ZFHX3: variants seen among roughly 807,000 people sequenced by gnomAD.
ZFHX3 encodes zinc finger homeobox protein 3.
Under a neutral mutation model 279.1 loss-of-function variants are expected in ZFHX3, and 42 were observed. That is an observed-to-expected ratio of 0.15 (90% confidence interval 0.12 to 0.19). The LOEUF (loss-of-function observed/expected upper bound fraction) is 0.19, where lower values mean the gene tolerates loss of function less well. Ranked by LOEUF, ZFHX3 falls within the 10% of genes least tolerant of loss-of-function variation. The pLI is 1.00. For synonymous variants in ZFHX3, 2,293 were observed against 1,957.8 expected, an observed-to-expected ratio of 1.17 and a Z score of -4.52; for missense variants, 4,981 against 4,754.0, an observed-to-expected ratio of 1.05 and a Z score of -1.40.
chr16:72,784,602 A>C lies in ZFHX3; in HGVS notation c.*2562T>G, dbSNP rs1342213302. The C allele has an allele frequency of 3.3e-5, 5 of 152,270 alleles. No homozygotes were observed. Among genetic ancestry groups the C allele is most frequent in the Admixed American group, 3.3e-4 (5 of 15,274 alleles). 9.4% of individuals were successfully genotyped at this position (152,270 alleles called of 1,614,324 possible). A position where few individuals can be genotyped will look rare whatever the true frequency, so the allele number is the denominator to read the frequency against. On this transcript the variant is annotated 3_prime_UTR_variant, in exon 10 of 10. Transcript: ENST00000268489. ...CAAGATAAAATAATGGAAAACAAAA[A>C]ACTGTACAACTTTAAAATTTAAAAA...
chr16:73,761,654 G>C (rs2053868256), intron 1 of ZFHX3, among the ~76,000 whole-genome samples: 1 of 152,116 alleles, frequency 6.6e-6, no homozygotes, highest in African/African-American at 2.4e-5. Context: ...CAATGGAACA[G>C]AATAAAGAAC....
chr16:73,839,960 C>G (rs1001017820), intron 1 of ZFHX3, among the ~76,000 whole-genome samples: 7 of 152,178 alleles, frequency 4.6e-5, no homozygotes, highest in Admixed American at 2.0e-4. Flanking sequence ...TTTCCCATTC[C>G]TGGACCCATC....
intron 2 of ZFHX3, among the ~76,000 whole-genome samples, chr16:73,472,429 C>A (rs2018686668): frequency 6.6e-6 from 1 of 152,126 alleles, no homozygotes; most frequent in Non-Finnish European, 1.5e-5. Context: ...TTTGATGAAG[C>A]CACAAAGCTT....
chr16:73,033,443 G>A (rs1964782185), intron 1 of ZFHX3, among the ~76,000 whole-genome samples: 1 of 152,166 alleles, frequency 6.6e-6, no homozygotes, highest in Non-Finnish European at 1.5e-5. Flanking sequence ...AGTGAAGCGG[G>A]GCTGCCTGGT....
chr16:73,708,752 AAC>A (rs1410518158), intron 1 of ZFHX3, among the ~76,000 whole-genome samples: 2 of 152,200 alleles, frequency 1.3e-5, no homozygotes, highest in Non-Finnish European at 2.9e-5. Flanking sequence ...AATACCCCTA[AAC>A]ACAGTGAGAT....
Position 72,957,792 on chromosome 16 carries a change from T to G in ZFHX3, c.2354A>C (p.Asn785Thr), listed in dbSNP as rs557562869. Reference protein sequence around the residue: ...AAVAAAAAAANISSSCGAPSP... With the variant: ...AAVAAAAAAATISSSCGAPSP... Reference sequence around the variant, plus strand: ...GGGGGCCCCGCAGGAGCTACTGATATTGGCTGCCGCCGCCGCCGCAGCCAC... The same window carrying G: ...GGGGGCCCCGCAGGAGCTACTGATAGTGGCTGCCGCCGCCGCCGCAGCCAC... The change falls in exon 2 of 10, where the codon AAT becomes ACT. Residue 785 changes from asparagine to threonine, a missense_variant. Asn to Thr is a moderately conservative substitution (Grantham distance 65). Coordinates refer to ENST00000268489, the MANE Select transcript of ZFHX3 (RefSeq NM_006885.4). 1 of 1,612,040 alleles carries G rather than the reference T, an allele frequency of 6.2e-7. No homozygotes were observed. The highest frequency in any genetic ancestry group is 8.5e-7 in the Non-Finnish European group (1 of 1,179,092).
At chr16:73,483,595 G>A (rs573322946) in intron 2 of ZFHX3, among the ~76,000 whole-genome samples, 2 of 152,106 alleles carry the variant, frequency 1.3e-5, no homozygotes, top group South Asian at 2.1e-4. Flanking sequence ...CCTGGAAGAC[G>A]AGAACAAGAA....
At position 73,782,054 on chromosome 16, in the gene ZFHX3, C is replaced by G. The variant is rs1959490232; in HGVS notation, c.-1607-101814G>C. 4.6e-5 allele frequency among the ~76,000 whole-genome samples: 7 copies of G among 152,146 alleles called. No individual in the cohort carries two copies. In the South Asian group the frequency reaches 1.2e-3, roughly 27 times the overall value. On this transcript the variant is annotated intron_variant, in intron 1 of 17. Transcript: ENST00000641206. Reference sequence around the variant, plus strand: ...AAGTTGAGAAAAGTTCAGACTAAAGCCCAGGCAGGGTCTCCATTGCCCAGT... The same window carrying G: ...AAGTTGAGAAAAGTTCAGACTAAAGGCCAGGCAGGGTCTCCATTGCCCAGT...
Position 72,796,642 on chromosome 16 carries a change from G to T in ZFHX3, c.6040C>A (p.Gln2014Lys), listed in dbSNP as rs775876705. 5.6e-6 allele frequency: 9 copies of T among 1,613,948 alleles called. No homozygotes were observed. In the African/African-American group the frequency reaches 1.2e-4, roughly 22 times the overall value. ...HVHQNYFPFK[Q>K]LERFAKQYRD... ...TACTGTTTGGCAAACCTCTCGAGCT[G>T]TTTGAAAGGAAAGTAATTCTGATGA... The change falls in exon 9 of 10, where the codon CAG becomes AAG. Residue 2014 changes from glutamine (Q) to lysine (K), a missense_variant. Transcript: ENST00000268489.
chr16:73,887,073 C>T (rs146591115), intron 1 of ZFHX3, among the ~76,000 whole-genome samples: 36 of 152,310 alleles, frequency 2.4e-4, no homozygotes, highest in African/African-American at 8.2e-4. Context: ...GTTTGTTTCA[C>T]TCACTGTAAA....
intron 4 of ZFHX3, among the ~76,000 whole-genome samples, chr16:72,856,359 T>C (rs2037755299): frequency 1.3e-5 from 2 of 152,198 alleles, no homozygotes; most frequent in African/African-American, 2.4e-5. Context: ...CAAAGTGTCA[T>C]GCAAGACCTG....
At chr16:72,882,038 C>T (rs1309002292) in intron 4 of ZFHX3, among the ~76,000 whole-genome samples, 2 of 152,100 alleles carry the variant, frequency 1.3e-5, no homozygotes, top group African/African-American at 4.8e-5. Context: ...CTCTGATGAG[C>T]CAACGGGGGT....
chr16:73,669,210 C>A (rs931514390), intron 2 of ZFHX3, among the ~76,000 whole-genome samples: 3 of 152,018 alleles, frequency 2.0e-5, no homozygotes, highest in Non-Finnish European at 4.4e-5. Context: ...TGTGCCACTA[C>A]GCCCTGCTAA....
intron 3 of ZFHX3, among the ~76,000 whole-genome samples, chr16:72,927,018 G>T (rs1959487458): frequency 6.6e-6 from 1 of 152,222 alleles, no homozygotes; most frequent in African/African-American, 2.4e-5. Flanking sequence ...GAGAGTCCCA[G>T]CATAGGGGCT....
intron 1 of ZFHX3, among the ~76,000 whole-genome samples, chr16:73,026,837 G>C (rs933431280): frequency 2.0e-5 from 3 of 152,176 alleles, no homozygotes; most frequent in African/African-American, 4.8e-5. Flanking sequence ...CCAGAGACCA[G>C]TGAAACACAG....
intron 1 of ZFHX3, among the ~76,000 whole-genome samples, chr16:73,867,442 C>G (rs139843677): frequency 5.9e-5 from 9 of 152,056 alleles, no homozygotes; most frequent in South Asian, 2.1e-4. Context: ...CCCAGCATCA[C>G]GGGAACCACA....
chr16:73,832,500 A>G (rs535765658), intron 1 of ZFHX3, among the ~76,000 whole-genome samples: 1 of 152,354 alleles, frequency 6.6e-6, no homozygotes, highest in South Asian at 2.1e-4. Context: ...CTAACTTTTA[A>G]CAAAAGAAAT....
At chr16:73,458,451 C>G (rs1275235501) in intron 2 of ZFHX3, among the ~76,000 whole-genome samples, 1 of 151,738 alleles carries the variant, frequency 6.6e-6, no homozygotes, top group African/African-American at 2.4e-5. Flanking sequence ...TCTTGGCTCA[C>G]TGCAACCTCC....
At chr16:73,105,410 C>CACACACATATATATATATAT (rs1966288349) in intron 7 of ZFHX3, among the ~76,000 whole-genome samples, 2 of 116,950 alleles carry the variant, frequency 1.7e-5, no homozygotes, top group Non-Finnish European at 3.7e-5. Context: ...TATATATATA[C>CACACACATATATATATATAT]ACACACACAT....
Sources: gnomAD v4.1 joint callset for allele counts (sites outside exome capture counted in the v4.1 genomes callset) on GRCh38, gnomAD v4.1.1 for gene constraint, MANE v1.5 for transcripts, NCBI Gene and HGNC (gene_info 2026-07-23, HGNC 2026-07-21) for gene names.